USP19: variants seen among roughly 807,000 people sequenced by gnomAD.
USP19 encodes ubiquitin specific peptidase 19, also known as ubiquitin carboxyl-terminal hydrolase 19.
USP19 carries 40 observed loss-of-function variants against 144.8 expected under a neutral mutation model. The ratio of observed to expected loss-of-function variants is 0.28; its 90% CI spans 0.21 to 0.36. USP19 has a LOEUF of 0.36. Ranked by LOEUF, USP19 falls within the 10% of genes least tolerant of loss-of-function variation. USP19 has a pLI of 1.00. For missense variants in USP19, 1,518 were observed against 1,822.5 expected, an observed-to-expected ratio of 0.83 and a Z score of 3.04; for synonymous variants, 701 against 709.3, an observed-to-expected ratio of 0.99 and a Z score of 0.19.
rs2043896388 is a variant in USP19 at position 49,115,308 on chromosome 3, G to A, written c.1942C>T (p.Arg648Cys). The A allele has an allele frequency of 1.2e-6, 2 of 1,614,016 alleles. No individual in the cohort carries two copies. Residue 648 changes from arginine (R) to cysteine (C), a missense_variant, in exon 13 of 27, where the codon CGT becomes TGT. Physicochemically the swap from Arg to Cys is radical, Grantham distance 180 (BLOSUM62 -3). Around this residue, in one of 5 missense-constraint regions of USP19, gnomAD observed 158 missense variants for 277.3 expected, o/e 0.57. Coordinates refer to ENST00000417901, the MANE Select transcript of USP19 (RefSeq NM_001199161.2). The surrounding 1 kb of genome is among the most constrained non-coding windows in gnomAD (Gnocchi z 6.6). ...AGCACGGCAAAGCCAATGGCCAGACGCCCACCAGTCCCTAGTGGGTTGTTG... is the reference window on the plus strand; with the variant it reads ...AGCACGGCAAAGCCAATGGCCAGACACCCACCAGTCCCTAGTGGGTTGTTG... ...NYNNPLGTGGRLAIGFAVLLR... is the reference protein window; with the variant it reads ...NYNNPLGTGGCLAIGFAVLLR...
In USP19 at chr3:49,110,781, G is replaced by A. The variant is rs201609350; in HGVS notation, c.3628C>T (p.Leu1210Phe). 122 of 1,614,084 alleles carry A rather than the reference G, an allele frequency of 7.6e-5. No individual in the cohort carries two copies. Among genetic ancestry groups the A allele is most frequent in the Middle Eastern group, 1.6e-4 (1 of 6,084 alleles). The change falls in exon 24 of 27, where the codon CTC becomes TTC. Residue 1210 changes from leucine to phenylalanine, a missense_variant. By Grantham distance (22) the Leu-to-Phe change is conservative. This residue lies in a region of USP19 where 122 missense variants were observed against 200.4 expected (regional missense o/e 0.61). Coordinates refer to ENST00000417901, the MANE Select transcript of USP19 (RefSeq NM_001199161.2). The surrounding 1 kb of genome is among the most constrained non-coding windows in gnomAD (Gnocchi z 6.1). ...WRLPNVLIVQ[L>F]KRFSFRSFIW... ...AAACTACGAAAGGAGAAGCGCTTGAGCTGCACGATGAGAACATTTGGCAGG... is the reference window on the plus strand; with the variant it reads ...AAACTACGAAAGGAGAAGCGCTTGAACTGCACGATGAGAACATTTGGCAGG...
Position 49,111,696 on chromosome 3 carries a change from C to G in USP19, c.3021G>C (p.Glu1007Asp), listed in dbSNP as rs998368413. Residue 1007 changes from glutamate (E) to aspartate (D), a missense_variant, in exon 21 of 27, where the codon GAG becomes GAC. Coordinates refer to ENST00000417901, the MANE Select transcript of USP19 (RefSeq NM_001199161.2). The surrounding 1 kb of genome is among the most constrained non-coding windows in gnomAD (Gnocchi z 5.9). ...GCTCAGGTGGCTGAATGGGGTCTCT[C>G]TCGCTGTCCCCAGCCTCCAGGGAAC... ...STGSLEAGDS[E>D]RDPIQPPELQ... is the part of the protein sequence containing the mutation. 10 of 1,596,292 alleles carry G rather than the reference C, an allele frequency of 6.3e-6. No homozygotes were observed. The East Asian group carries it at 2.0e-4, about 32-fold the overall frequency.
In USP19 at chr3:49,118,985, G is replaced by C. The variant is rs756142051; in HGVS notation, c.124+37C>G. 5 of 1,613,220 alleles carry C rather than the reference G, an allele frequency of 3.1e-6. No homozygotes were observed. The African/African-American group carries it at 6.7e-5, about 22-fold the overall frequency. ...CTGTATACCAATAAGATGGGAGGCAGAGAAGGCCACAATTACTCTGGGAAT... is the reference window on the plus strand; with the variant it reads ...CTGTATACCAATAAGATGGGAGGCACAGAAGGCCACAATTACTCTGGGAAT... On this transcript the variant is annotated intron_variant, in intron 2 of 26. Coordinates refer to ENST00000417901, the MANE Select transcript of USP19 (RefSeq NM_001199161.2).
At position 49,110,128 on chromosome 3, in the gene USP19, G is replaced by A. The variant is rs1235791821; in HGVS notation, c.4038+56C>T. 18 of 1,445,416 alleles carry A rather than the reference G, an allele frequency of 1.2e-5. No homozygotes were observed. The highest frequency in any genetic ancestry group is 1.9e-4 in the Middle Eastern group (1 of 5,226). 89.5% of individuals were successfully genotyped at this position (1,445,416 alleles called of 1,614,324 possible). On this transcript the variant is annotated intron_variant, in intron 26 of 26. Transcript: ENST00000417901. The surrounding 1 kb of genome is among the most constrained non-coding windows in gnomAD (Gnocchi z 6.1). ...GAGAGGAAGCTATATCCCCCAACCCGGCCCCAGTCTGTGAACTGTCCCCCA... is the reference window on the plus strand; with the variant it reads ...GAGAGGAAGCTATATCCCCCAACCCAGCCCCAGTCTGTGAACTGTCCCCCA...
At position 49,108,884 on chromosome 3, in the gene USP19, T is replaced by C; in HGVS notation, c.4039-356A>G. On this transcript the variant is annotated intron_variant, in intron 26 of 26. Coordinates refer to ENST00000417901, the MANE Select transcript of USP19 (RefSeq NM_001199161.2). The surrounding 1 kb of genome is among the most constrained non-coding windows in gnomAD (Gnocchi z 4.8). ...AGCTGAGGCCCAAAGCCCAGAGGTG[T>C]TCCCCACAACAAAGGCAGGCATGGC... The C allele has an allele frequency of 1.3e-6, 2 of 1,520,898 alleles. No individual in the cohort carries two copies. The highest frequency in any genetic ancestry group is 1.8e-6 in the Non-Finnish European group (2 of 1,134,880). The allele number at this position is 1,520,898 out of a possible 1,614,324, so 94.2% of individuals were successfully genotyped here.
At position 49,115,217 on chromosome 3, in the gene USP19, TCA is replaced by T. The variant is rs2043882287; in HGVS notation, c.2022+9_2022+10del. 1.2e-6 allele frequency: 2 copies of T among 1,613,556 alleles called. No individual in the cohort carries two copies. Among genetic ancestry groups the T allele is most frequent in the African/African-American group, 2.7e-5 (2 of 74,892 alleles). ...CCCCTCCAGCCAAGGGTGACAGTGG[TCA>T]CAGATCACCTTCAACTTGGAAGGCT... On this transcript the variant is annotated intron_variant, in intron 13 of 26. Coordinates refer to ENST00000417901, the MANE Select transcript of USP19 (RefSeq NM_001199161.2). This position sits in a 1 kb window ranked among gnomAD's most constrained non-coding sequence, Gnocchi z 6.6.
In USP19 at chr3:49,111,458, T is replaced by C; in HGVS notation, c.3217+42A>G. On this transcript the variant is annotated intron_variant, in intron 21 of 26. Coordinates refer to ENST00000417901, the MANE Select transcript of USP19 (RefSeq NM_001199161.2). This position sits in a 1 kb window ranked among gnomAD's most constrained non-coding sequence, Gnocchi z 5.9. Reference sequence around the variant, plus strand: ...AACAACAGCCCCCTCCATCCTCCCTTATCCTCCTCCCCAGCTTCTAGAGCC... The same window carrying C: ...AACAACAGCCCCCTCCATCCTCCCTCATCCTCCTCCCCAGCTTCTAGAGCC... 6.2e-7 allele frequency: 1 copy of C among 1,611,880 alleles called. No homozygotes were observed. Among genetic ancestry groups the C allele is most frequent in the Non-Finnish European group, 8.5e-7 (1 of 1,179,370 alleles).
intron 17 of USP19, among the ~76,000 whole-genome samples, chr3:49,113,365 C>T (rs1409195514): frequency 6.7e-6 from 1 of 149,362 alleles, no homozygotes; most frequent in African/African-American, 2.5e-5. Flanking sequence ...CAACCTCTGC[C>T]TCCCAGGTTC....
In USP19 at chr3:49,108,398, C is replaced by A; in HGVS notation, c.*14G>T. On this transcript the variant is annotated 3_prime_UTR_variant, in exon 27 of 27. Transcript: ENST00000417901. The surrounding 1 kb of genome is among the most constrained non-coding windows in gnomAD (Gnocchi z 4.8). ...GTGTCCCAAACCCAGTCCCCCCCAT[C>A]AGCCAGGGACCTGCTAATCCACCTC... The A allele has an allele frequency of 8.3e-7, 1 of 1,209,316 alleles. No individual in the cohort carries two copies. Among genetic ancestry groups the A allele is most frequent in the Non-Finnish European group, 1.1e-6 (1 of 894,194 alleles). 74.9% of individuals were successfully genotyped at this position (1,209,316 alleles called of 1,614,324 possible).
chr3:49,114,394 C>T lies in USP19; in HGVS notation c.2293-110G>A. ...CTGATGGCTCTCAGGGCCCCCACAG[C>T]CAACCAGCAAACTCTCAGGCTTCAG... On this transcript the variant is annotated intron_variant, in intron 15 of 26. Coordinates refer to ENST00000417901, the MANE Select transcript of USP19 (RefSeq NM_001199161.2). The surrounding 1 kb of genome is among the most constrained non-coding windows in gnomAD (Gnocchi z 4.5). The T allele has an allele frequency of 1.0e-6, 1 of 983,572 alleles. No individual in the cohort carries two copies. The highest frequency in any genetic ancestry group is 1.5e-6 in the Non-Finnish European group (1 of 655,028). The allele number at this position is 983,572 out of a possible 1,614,324, so 60.9% of individuals were successfully genotyped here. A position where few individuals can be genotyped will look rare whatever the true frequency, so the allele number is the denominator to read the frequency against.
chr3:49,115,884 G>C lies in USP19; in HGVS notation c.1532C>G (p.Pro511Arg). 2 of 1,594,838 alleles carry C rather than the reference G, an allele frequency of 1.3e-6. No individual in the cohort carries two copies. Among genetic ancestry groups the C allele is most frequent in the Non-Finnish European group, 1.7e-6 (2 of 1,171,354 alleles). Residue 511 changes from proline to arginine, a missense_variant, in exon 11 of 27, where the codon CCA (proline) becomes CGA (arginine). By Grantham distance (103) the Pro-to-Arg change is moderately radical (BLOSUM62 -2). This residue lies in a region of USP19 where 707 missense variants were observed against 728.9 expected (regional missense o/e 0.97). Transcript: ENST00000417901. This position sits in a 1 kb window ranked among gnomAD's most constrained non-coding sequence, Gnocchi z 6.6. ...PTGPTPLDST[P>R]PGGAPHPLTG... ...CAGGGGGTGGGGAGCACCTCCTGGT[G>C]GGGTTGAATCCAGAGGGGTTGGACC...
Position 49,110,676 on chromosome 3 carries a change from C to T in USP19, c.3698+35G>A, listed in dbSNP as rs767984499. 5 of 1,611,800 alleles carry T rather than the reference C, an allele frequency of 3.1e-6. No individual in the cohort carries two copies. In the South Asian group the frequency reaches 4.4e-5, roughly 14 times the overall value. On this transcript the variant is annotated intron_variant, in intron 24 of 26. Coordinates refer to ENST00000417901, the MANE Select transcript of USP19 (RefSeq NM_001199161.2). The surrounding 1 kb of genome is among the most constrained non-coding windows in gnomAD (Gnocchi z 6.1). ...CTCAGGATGCCCATCCTGGTCCTCACACCCCACCCACAGTTACCAAGGTCC... is the reference window on the plus strand; with the variant it reads ...CTCAGGATGCCCATCCTGGTCCTCATACCCCACCCACAGTTACCAAGGTCC...
Position 49,108,564 on chromosome 3 carries a change from C to T in USP19, c.4039-36G>A, listed in dbSNP as rs2042665036. ...ATACGAGGACAGGGGTTGGGGGCTG[C>T]CCAGCATGCCGCCTGGCATCCCGGG... is the stretch of plus-strand genomic sequence containing the variant. On this transcript the variant is annotated intron_variant, in intron 26 of 26. Transcript: ENST00000417901. This position sits in a 1 kb window ranked among gnomAD's most constrained non-coding sequence, Gnocchi z 4.8. 1.6e-6 allele frequency: 2 copies of T among 1,247,954 alleles called. No individual in the cohort carries two copies. Among genetic ancestry groups the T allele is most frequent in the Admixed American group, 3.9e-5 (1 of 25,818 alleles). 77.3% of individuals were successfully genotyped at this position (1,247,954 alleles called of 1,614,324 possible). A position where few individuals can be genotyped will look rare whatever the true frequency, so the allele number is the denominator to read the frequency against.
rs1388378147 is a variant in USP19 at position 49,110,743 on chromosome 3, G to A, written c.3666C>T (p.Asp1222=). The A allele has an allele frequency of 1.2e-6, 2 of 1,614,138 alleles. No individual in the cohort carries two copies. The highest frequency in any genetic ancestry group is 1.7e-6 in the Non-Finnish European group (2 of 1,180,044). ...GGAACTCCACCAAGTCATTGATCTT[G>A]TCACGCCAGATAAAACTACGAAAGG... The part of the protein sequence containing the change: ...RFSFRSFIWR[D]KINDLVEFPV... Residue 1222 remains aspartate, a synonymous_variant, in exon 24 of 27, where the codon GAC becomes GAT. Coordinates refer to ENST00000417901, the MANE Select transcript of USP19 (RefSeq NM_001199161.2). The surrounding 1 kb of genome is among the most constrained non-coding windows in gnomAD (Gnocchi z 6.1).
Position 49,112,665 on chromosome 3 carries a change from T to C in USP19, c.2506-36A>G, listed in dbSNP as rs926347079. Reference sequence around the variant, plus strand: ...AGAACACACAGATCCCACGTGAGGATAAGCCCTTTCCCTAGCCCTGCCCCA... The same window carrying C: ...AGAACACACAGATCCCACGTGAGGACAAGCCCTTTCCCTAGCCCTGCCCCA... On this transcript the variant is annotated intron_variant, in intron 17 of 26. Transcript: ENST00000417901. The surrounding 1 kb of genome is among the most constrained non-coding windows in gnomAD (Gnocchi z 4.9). The C allele has an allele frequency of 6.3e-6, 10 of 1,593,638 alleles. No individual in the cohort carries two copies. Among genetic ancestry groups the C allele is most frequent in the Non-Finnish European group, 8.6e-6 (10 of 1,166,622 alleles).
In USP19 at chr3:49,112,462, T is replaced by C; in HGVS notation, c.2646+27A>G. ...AGAAGTGCCCCACCCACCAGGGCGCTGTGCCATCAGGTTGGCCCCCACTCA... is the reference window on the plus strand; with the variant it reads ...AGAAGTGCCCCACCCACCAGGGCGCCGTGCCATCAGGTTGGCCCCCACTCA... On this transcript the variant is annotated intron_variant, in intron 18 of 26. Transcript: ENST00000417901. This position sits in a 1 kb window ranked among gnomAD's most constrained non-coding sequence, Gnocchi z 4.9. The C allele has an allele frequency of 6.2e-7, 1 of 1,613,786 alleles. No individual in the cohort carries two copies. Among genetic ancestry groups the C allele is most frequent in the Non-Finnish European group, 8.5e-7 (1 of 1,179,786 alleles).
chr3:49,115,617 G>A lies in USP19; in HGVS notation c.1715C>T (p.Pro572Leu), dbSNP rs2043948559. 1.2e-6 allele frequency: 2 copies of A among 1,609,352 alleles called. No individual in the cohort carries two copies. Among genetic ancestry groups the A allele is most frequent in the African/African-American group, 1.3e-5 (1 of 74,836 alleles). Residue 572 changes from proline to leucine, a missense_variant, in exon 12 of 27, where the codon CCT (proline) becomes CTT (leucine). Physicochemically the swap from Pro to Leu is moderately conservative, Grantham distance 98. Transcript: ENST00000417901. The surrounding 1 kb of genome is among the most constrained non-coding windows in gnomAD (Gnocchi z 6.6). ...LASPKPTCMV[P>L]PMPHSPVSGD... ...ACTAACTGGGCTGTGGGGCATGGGAGGCACCATGCATGTAGGCTTGGGCTG... is the reference window on the plus strand; with the variant it reads ...ACTAACTGGGCTGTGGGGCATGGGAAGCACCATGCATGTAGGCTTGGGCTG...
Position 49,112,293 on chromosome 3 carries a change from T to G in USP19, c.2756A>C (p.Tyr919Ser). 6.2e-7 allele frequency: 1 copy of G among 1,609,748 alleles called. No individual in the cohort carries two copies. Among genetic ancestry groups the G allele is most frequent in the Non-Finnish European group, 8.5e-7 (1 of 1,178,080 alleles). The change falls in exon 19 of 27, where the codon TAC becomes TCC. Residue 919 changes from tyrosine (Y) to serine (S), a missense_variant. By Grantham distance (144) the Tyr-to-Ser change is moderately radical (BLOSUM62 -2). This residue lies in a region of USP19 where 413 missense variants were observed against 515.8 expected (regional missense o/e 0.80). Coordinates refer to ENST00000417901, the MANE Select transcript of USP19 (RefSeq NM_001199161.2). The surrounding 1 kb of genome is among the most constrained non-coding windows in gnomAD (Gnocchi z 4.9). ...KRCTRCYRVG[Y>S]CNQLCQKTHW... is the part of the protein sequence containing the mutation. ...CCATGGGGGTCCTCACTGGTTGCAGTAGCCCACACGGTAGCACCGGGTACA... is the reference window on the plus strand; with the variant it reads ...CCATGGGGGTCCTCACTGGTTGCAGGAGCCCACACGGTAGCACCGGGTACA...
At position 49,119,165 on chromosome 3, in the gene USP19, A is replaced by G; in HGVS notation, c.-20T>C. The G allele has an allele frequency of 6.2e-7, 1 of 1,607,638 alleles. No individual in the cohort carries two copies. Among genetic ancestry groups the G allele is most frequent in the East Asian group, 2.2e-5 (1 of 44,724 alleles). On this transcript the variant is annotated 5_prime_UTR_variant, in exon 2 of 27. Transcript: ENST00000417901. The stretch of plus-strand genomic sequence containing the variant: ...AGACATCTTGAGCCGCTTGGTCGAC[A>G]GCCAGAGTGCCCCGGGGTCGGCAAC...
Sources: allele counts gnomAD v4.1 joint callset (sites outside exome capture counted in the v4.1 genomes callset), GRCh38; gene constraint gnomAD v4.1.1; regional missense constraint gnomAD v4.1.1; non-coding constraint Gnocchi (gnomAD v3.1); transcripts MANE v1.5; gene names NCBI Gene and HGNC (gene_info 2026-07-23, HGNC 2026-07-21).